IL1A: variants seen among roughly 807,000 people sequenced by gnomAD.
IL1A encodes interleukin 1 alpha.
In IL1A, 16 loss-of-function variants were observed where a neutral mutation model predicts 22.2. The observed-to-expected ratio is 0.72, with a 90% confidence interval of 0.49 to 1.09. The LOEUF is 1.09. Among genes scored for constraint, IL1A ranks in the 50% least tolerant of loss-of-function variants. The pLI is 0.00. For missense variants in IL1A, 317 were observed against 321.8 expected (o/e 0.99, Z 0.11); for synonymous variants, 113 against 118.5 (o/e 0.95, Z 0.30).
In IL1A at chr2:112,778,010, C is replaced by T; in HGVS notation, c.592G>A (p.Glu198Lys). The change falls in exon 6 of 7, where the codon GAA becomes AAA. Residue 198 changes from glutamate (E) to lysine (K), a missense_variant. Coordinates refer to ENST00000263339, the MANE Select transcript of IL1A (RefSeq NM_000575.5). ...KTQLYVTAQD[E>K]DQPVLLKEMP... ...ACCTTCAGCAGCACTGGTTGGTCTT[C>T]ATCTTGGGCAGTCACATACAATTGA... 1 of 1,614,160 alleles carries T rather than the reference C, an allele frequency of 6.2e-7. No homozygotes were observed. Among genetic ancestry groups the T allele is most frequent in the Non-Finnish European group, 8.5e-7 (1 of 1,180,022 alleles).
At chr2:112,778,487 A>T (rs938408438) in intron 5 of IL1A, among the ~76,000 whole-genome samples, 4 of 152,186 alleles carry the variant, frequency 2.6e-5, no homozygotes, top group African/African-American at 9.7e-5. Flanking sequence ...GGGGTTTAGG[A>T]AGCTGATACA....
intron 4 of IL1A, among the ~76,000 whole-genome samples, chr2:112,780,310 G>C (rs1279616881): frequency 6.6e-6 from 1 of 152,216 alleles, no homozygotes; most frequent in Admixed American, 6.5e-5. Context: ...TTGTTCACAT[G>C]TAGGTATGTG....
Position 112,777,980 on chromosome 2 carries a change from A to G in IL1A, c.615+7T>C, listed in dbSNP as rs1681128049. 6.2e-7 allele frequency: 1 copy of G among 1,614,058 alleles called. No homozygotes were observed. The highest frequency in any genetic ancestry group is 8.5e-7 in the Non-Finnish European group (1 of 1,179,978). ...TGAAGGTAAGTTGGAGACAAAGGAC[A>G]ACTGACCTTCAGCAGCACTGGTTGG... On this transcript the variant is annotated splice_region_variant and intron_variant, in intron 6 of 6. Transcript: ENST00000263339.
intron 6 of IL1A, among the ~76,000 whole-genome samples, chr2:112,775,755 C>T (rs1681091488): frequency 6.6e-6 from 1 of 151,810 alleles, no homozygotes; most frequent in Admixed American, 6.6e-5. Context: ...GTTAAACACA[C>T]GCACACACAT....
Position 112,774,917 on chromosome 2 carries a change from A to C in IL1A, c.*150T>G, listed in dbSNP as rs945004933. 2 of 621,972 alleles carry C rather than the reference A, an allele frequency of 3.2e-6. No homozygotes were observed. The highest frequency in any genetic ancestry group is 1.8e-5 in the African/African-American group (1 of 54,178). 38.5% of individuals were successfully genotyped at this position (621,972 alleles called of 1,614,324 possible). A position where few individuals can be genotyped will look rare whatever the true frequency, so the allele number is the denominator to read the frequency against. ...AACATTATATGTTAGTGTTGGTTCC[A>C]CTCTTACAAAGAGTGTAAACATTCA... On this transcript the variant is annotated 3_prime_UTR_variant, in exon 7 of 7. Coordinates refer to ENST00000263339, the MANE Select transcript of IL1A (RefSeq NM_000575.5).
At chr2:112,782,168 AT>A (rs1352875874) in intron 3 of IL1A, among the ~76,000 whole-genome samples, 2 of 152,226 alleles carry the variant, frequency 1.3e-5, no homozygotes, top group African/African-American at 2.4e-5. Context: ...TGCTCAAAAT[AT>A]TTTAGAAATA....
At chr2:112,777,553 A>G (rs552330081) in intron 6 of IL1A, among the ~76,000 whole-genome samples, 13 of 152,324 alleles carry the variant, frequency 8.5e-5, no homozygotes, top group Admixed American at 8.5e-4. Flanking sequence ...AGCAGGCCCC[A>G]TTTTGGGACT....
intron 5 of IL1A, among the ~76,000 whole-genome samples, chr2:112,778,320 C>G (rs907059516): frequency 4.5e-4 from 68 of 152,178 alleles, no homozygotes; most frequent in Non-Finnish European, 7.4e-4. Flanking sequence ...GTCTTCCACA[C>G]TCACTAGGCA....
At chr2:112,782,915 A>G (rs1249513478) in intron 2 of IL1A, 151 bp from the exon 3 acceptor site, 1 of 582,638 alleles carries the variant, frequency 1.7e-6, no homozygotes, top group East Asian at 2.9e-5. Flanking sequence ...ACACATACAC[A>G]TAGGTAGAGT....
At chr2:112,781,959 A>G (rs1226651060) in intron 3 of IL1A, 133 bp from the exon 4 acceptor site, 3 of 638,368 alleles carry the variant, frequency 4.7e-6, no homozygotes, top group Non-Finnish European at 5.6e-6. Flanking sequence ...GTGTTTCATT[A>G]GGCTTCCCTC....
At chr2:112,779,733 T>A in intron 4 of IL1A, 67 bp from the exon 5 acceptor site, 1 of 1,147,396 alleles carries the variant, frequency 8.7e-7, no homozygotes, top group Admixed American at 2.1e-5. Flanking sequence ...CACAGTCTAG[T>A]ACAAACAGGG....
At chr2:112,777,264 G>A (rs1449451714) in intron 6 of IL1A, among the ~76,000 whole-genome samples, 1 of 152,196 alleles carries the variant, frequency 6.6e-6, no homozygotes, top group Non-Finnish European at 1.5e-5. Flanking sequence ...AAGGCTCTCA[G>A]TGAATAATGC....
intron 2 of IL1A, among the ~76,000 whole-genome samples, chr2:112,783,429 A>C (rs1681248551): frequency 6.6e-6 from 1 of 152,222 alleles, no homozygotes; most frequent in Non-Finnish European, 1.5e-5. Flanking sequence ...ATATCAGGGC[A>C]TGTGATCTCA....
chr2:112,774,518 A>C lies in IL1A; in HGVS notation c.*549T>G, dbSNP rs987636021. 6.6e-6 allele frequency: 1 copy of C among 152,032 alleles called. No homozygotes were observed. The highest frequency in any genetic ancestry group is 2.4e-5 in the African/African-American group (1 of 41,428). The allele number at this position is 152,032 out of a possible 1,614,324, so 9.4% of individuals were successfully genotyped here. On this transcript the variant is annotated 3_prime_UTR_variant, in exon 7 of 7. Transcript: ENST00000263339. ...GAGGCTCGGCTTCAAGAAGTATTTT[A>C]CCAAAATGACCTCCCTGATTAGCAT...
At position 112,774,953 on chromosome 2, in the gene IL1A, C is replaced by T; in HGVS notation, c.*114G>A. The T allele has an allele frequency of 1.4e-6, 1 of 736,588 alleles. No individual in the cohort carries two copies. Among genetic ancestry groups the T allele is most frequent in the Admixed American group, 2.5e-5 (1 of 40,126 alleles). The allele number at this position is 736,588 out of a possible 1,614,324, so 45.6% of individuals were successfully genotyped here. On this transcript the variant is annotated 3_prime_UTR_variant, in exon 7 of 7. Coordinates refer to ENST00000263339, the MANE Select transcript of IL1A (RefSeq NM_000575.5). ...GAGTGTAAACATTCATTTAGAATTA[C>T]AAGGCTCAGTACATGCTCAGCAAAT...
intron 6 of IL1A, among the ~76,000 whole-genome samples, 156 bp downstream of exon 6, chr2:112,777,831 C>T (rs1421574754): frequency 1.3e-5 from 2 of 152,144 alleles, no homozygotes; most frequent in Admixed American, 6.5e-5. Flanking sequence ...TGCCTAGGCA[C>T]GCCTCTGGAA....
In IL1A at chr2:112,775,263, A is replaced by G; in HGVS notation, c.620T>C (p.Met207Thr). 6 of 1,612,568 alleles carry G rather than the reference A, an allele frequency of 3.7e-6. No homozygotes were observed. Among genetic ancestry groups the G allele is most frequent in the South Asian group, 1.1e-5 (1 of 91,048 alleles). The change falls in exon 7 of 7, where the codon ATG becomes ACG. Residue 207 changes from methionine to threonine, a missense_variant. Coordinates refer to ENST00000263339, the MANE Select transcript of IL1A (RefSeq NM_000575.5). ...DEDQPVLLKE[M>T]PEIPKTITGS... Reference sequence around the variant, plus strand: ...TGTGATGGTTTTGGGTATCTCAGGCATCTCCTATGAAGAAAAGAAGAGAAT... The same window carrying G: ...TGTGATGGTTTTGGGTATCTCAGGCGTCTCCTATGAAGAAAAGAAGAGAAT...
chr2:112,775,865 A>G (rs1681094025), intron 6 of IL1A, among the ~76,000 whole-genome samples: 1 of 152,208 alleles, frequency 6.6e-6, no homozygotes, highest in African/African-American at 2.4e-5. Context: ...GTAGAATTTA[A>G]CAATACTTTT....
intron 2 of IL1A, among the ~76,000 whole-genome samples, chr2:112,783,521 T>A (rs1052497547): frequency 1.3e-5 from 2 of 152,208 alleles, no homozygotes; most frequent in Non-Finnish European, 2.9e-5. Flanking sequence ...AATGGCGGTC[T>A]CCCTGCCAAT....
Sources: allele counts gnomAD v4.1 joint callset (sites outside exome capture counted in the v4.1 genomes callset), GRCh38; gene constraint gnomAD v4.1.1; transcripts MANE v1.5; gene names NCBI Gene and HGNC (gene_info 2026-07-23, HGNC 2026-07-21).